Variants in CYSTM1 observed in about 807,000 individuals in gnomAD.
CYSTM1 encodes the protein cysteine-rich transmembrane module-containing protein 1.
Under a neutral mutation model 13.1 loss-of-function variants are expected in CYSTM1, and 4 were observed. The ratio of observed to expected loss-of-function variants is 0.31; its 90% CI spans 0.15 to 0.70. The LOEUF (loss-of-function observed/expected upper bound fraction) is 0.70. CYSTM1 is among the 30% of genes least tolerant of loss of function. CYSTM1 has a pLI of 0.72. For synonymous variants in CYSTM1, 36 were observed against 42.7 expected (o/e 0.84, Z 0.62); for missense variants, 96 against 121.6 (o/e 0.79, Z 0.99).
rs1554132184 is a variant in CYSTM1, at chr5:140,195,439, C to CA, written c.187+787_187+788insA. Among the ~76,000 whole-genome samples the CA allele has an allele frequency of 1.3e-3, 130 of 101,364 alleles. 1 individual carries two copies. The South Asian group carries it at 0.038, about 29-fold the overall frequency. The allele number at this position is 101,364 out of a possible 152,430, so 66.5% of individuals were successfully genotyped here. Reference sequence around the variant, plus strand: ...CTGCTCTCTTAATTAGCCCTTTCAGCTTTTTTTTTTTTTTTTTTTTGAGAC... The same window carrying CA: ...CTGCTCTCTTAATTAGCCCTTTCAGCATTTTTTTTTTTTTTTTTTTTGAGAC... On this transcript the variant is annotated intron_variant, in intron 2 of 2. Transcript: ENST00000261811.
At chr5:140,180,767 T>C (rs953850540) in intron 1 of CYSTM1, among the ~76,000 whole-genome samples, 1 of 152,220 alleles carries the variant, frequency 6.6e-6, no homozygotes, top group African/African-American at 2.4e-5. Flanking sequence ...GCTTGTGGTA[T>C]GACTTTGCCA....
intron 2 of CYSTM1, among the ~76,000 whole-genome samples, chr5:140,196,900 A>G (rs1764165974): frequency 6.6e-6 from 1 of 152,226 alleles, no homozygotes; most frequent in African/African-American, 2.4e-5. Context: ...TGGGTTAGGA[A>G]CAAAGGAACT....
intron 1 of CYSTM1, among the ~76,000 whole-genome samples, chr5:140,178,911 G>T (rs10067578): frequency 0.23 from 35,013 of 151,630 alleles, 4,065 homozygotes; most frequent in African/African-American, 0.25. Flanking sequence ...CTTTTTGCTG[G>T]TTTTTTGTTT....
intron 2 of CYSTM1, among the ~76,000 whole-genome samples, chr5:140,241,576 C>T (rs1367333093): frequency 6.6e-6 from 1 of 152,182 alleles, no homozygotes; most frequent in Non-Finnish European, 1.5e-5. Context: ...GCTTTCTGTC[C>T]CAGGGGCAGG....
At chr5:140,204,861 G>C (rs1398578896) in intron 2 of CYSTM1, among the ~76,000 whole-genome samples, 1 of 152,186 alleles carries the variant, frequency 6.6e-6, no homozygotes, top group African/African-American at 2.4e-5. Context: ...GTGGTTGTGA[G>C]TTCATGTTCA....
chr5:140,223,178 A>G (rs1379456495), intron 2 of CYSTM1, among the ~76,000 whole-genome samples: 1 of 152,212 alleles, frequency 6.6e-6, no homozygotes, highest in African/African-American at 2.4e-5. Flanking sequence ...GGAACCACCT[A>G]GAGATCCCAG....
rs57173526 is a variant in CYSTM1, at chr5:140,200,557, C to CTTTTTTTTTTTT, written c.187+5915_187+5926dup. ...ATTTCCTTCCACTCTTCCCCCCGGC[C>CTTTTTTTTTTTT]TTTTTTTTTTTTTTTTTTTTTGAGG... is the stretch of plus-strand genomic sequence containing the variant. On this transcript the variant is annotated intron_variant, in intron 2 of 2. Coordinates refer to ENST00000261811, the MANE Select transcript of CYSTM1 (RefSeq NM_032412.4). The CTTTTTTTTTTTT allele has an allele frequency of 5.0e-4, 39 of 78,730 alleles. 2 individuals carry two copies. Among genetic ancestry groups the CTTTTTTTTTTTT allele is most frequent in the African/African-American group, 1.5e-3 (29 of 19,126 alleles). 4.9% of individuals were successfully genotyped at this position (78,730 alleles called of 1,614,324 possible).
At chr5:140,216,320 A>T (rs565754760) in intron 2 of CYSTM1, among the ~76,000 whole-genome samples, 2 of 152,254 alleles carry the variant, frequency 1.3e-5, no homozygotes, top group African/African-American at 4.8e-5. Context: ...AGGTTAAGGG[A>T]CTTAAATTTT....
chr5:140,232,147 G>C (rs996382812), intron 2 of CYSTM1, among the ~76,000 whole-genome samples: 2 of 152,180 alleles, frequency 1.3e-5, no homozygotes, highest in African/African-American at 4.8e-5. Context: ...GCCTGGTGGT[G>C]GTGTTTACAG....
intron 2 of CYSTM1, among the ~76,000 whole-genome samples, chr5:140,225,373 T>C (rs921149661): frequency 6.6e-6 from 1 of 152,096 alleles, no homozygotes; most frequent in African/African-American, 2.4e-5. Context: ...AGGCCTTCAA[T>C]CAGTGGGAGG....
intron 2 of CYSTM1, among the ~76,000 whole-genome samples, chr5:140,234,837 A>G (rs906335467): frequency 6.6e-6 from 1 of 152,200 alleles, no homozygotes; most frequent in Non-Finnish European, 1.5e-5. Context: ...CTGCCATTGG[A>G]AAATCCTCCC....
intron 2 of CYSTM1, among the ~76,000 whole-genome samples, chr5:140,226,533 T>C (rs1490078789): frequency 8.2e-6 from 1 of 121,942 alleles, no homozygotes; most frequent in African/African-American, 3.1e-5. Context: ...ATAATATATT[T>C]ATATATATTA....
chr5:140,224,845 T>C (rs771371027), intron 2 of CYSTM1, among the ~76,000 whole-genome samples: 1 of 152,196 alleles, frequency 6.6e-6, no homozygotes, highest in Non-Finnish European at 1.5e-5. Context: ...TATAAGGAGT[T>C]GTCTATGCTA....
chr5:140,218,136 G>A (rs1260281454), intron 2 of CYSTM1, among the ~76,000 whole-genome samples: 1 of 152,116 alleles, frequency 6.6e-6, no homozygotes, highest in East Asian at 1.9e-4. Flanking sequence ...ATCATTAGGA[G>A]GCAGTACCCC....
At chr5:140,202,139 T>G (rs1178640159) in intron 2 of CYSTM1, 1 of 152,160 alleles carries the variant, frequency 6.6e-6, no homozygotes, top group Non-Finnish European at 1.5e-5. Context: ...TTTCACTGTA[T>G]TGGCCAGGCT....
intron 2 of CYSTM1, among the ~76,000 whole-genome samples, chr5:140,211,986 G>C (rs1764373310): frequency 6.6e-6 from 1 of 152,080 alleles, no homozygotes; most frequent in South Asian, 2.1e-4. Context: ...GTAATTCAGT[G>C]CCAGTCACTA....
At chr5:140,187,568 A>G (rs1166935410) in intron 1 of CYSTM1, among the ~76,000 whole-genome samples, 5 of 152,096 alleles carry the variant, frequency 3.3e-5, no homozygotes, top group East Asian at 1.9e-4. Context: ...AGGTCTCACT[A>G]TGTTGCCCAC....
chr5:140,242,983 G>A (rs1764768984), intron 2 of CYSTM1, among the ~76,000 whole-genome samples: 2 of 152,336 alleles, frequency 1.3e-5, no homozygotes, highest in Middle Eastern at 3.4e-3. Context: ...CCCTCCAGGG[G>A]GGAAGACATG....
intron 1 of CYSTM1, among the ~76,000 whole-genome samples, chr5:140,176,763 T>C (rs939828155): frequency 6.6e-6 from 1 of 152,132 alleles, no homozygotes; most frequent in Non-Finnish European, 1.5e-5. Context: ...TATTTGTTGA[T>C]TGTAGATCAA....
Sources: gnomAD v4.1 joint callset for allele counts (sites outside exome capture counted in the v4.1 genomes callset) on GRCh38, gnomAD v4.1.1 for gene constraint, MANE v1.5 for transcripts, NCBI Gene and HGNC (gene_info 2026-07-23, HGNC 2026-07-21) for gene names.